Variants in FMN1 observed in about 807,000 individuals in gnomAD.
FMN1 encodes the protein formin 1, also known as formin-1.
Under a neutral mutation model 132.4 loss-of-function variants are expected in FMN1, and 110 were observed. The ratio of observed to expected loss-of-function variants is 0.83; its 90% CI spans 0.71 to 0.97. The LOEUF (loss-of-function observed/expected upper bound fraction) is 0.97. FMN1 is among the 50% of genes least tolerant of loss of function. The pLI is 0.00. For synonymous variants in FMN1, 722 were observed against 651.7 expected (o/e 1.11, Z -1.64); for missense variants, 1,792 against 1,705.3 (o/e 1.05, Z -0.90).
chr15:33,147,921 G>A (rs1213870976), intron 4 of FMN1, among the ~76,000 whole-genome samples: 1 of 151,922 alleles, frequency 6.6e-6, no homozygotes, highest in Non-Finnish European at 1.5e-5. Flanking sequence ...TAAGAGCTTT[G>A]TGTGTTGTTT....
chr15:33,119,496 A>T (rs1052178106), intron 4 of FMN1, among the ~76,000 whole-genome samples: 11 of 152,188 alleles, frequency 7.2e-5, no homozygotes, highest in Non-Finnish European at 1.3e-4. Flanking sequence ...GCCAAGCATT[A>T]ATGAGTCCAC....
At position 32,767,477 on chromosome 15, in the gene FMN1, C is replaced by G. The variant is rs908020670; in HGVS notation, c.*6833G>C. ...CAGGCCAAAGCACGATCCCCTAAAT[C>G]AAAGTCCAAGGCCACCCTGCTTGCC... On this transcript the variant is annotated 3_prime_UTR_variant, in exon 21 of 21. Coordinates refer to ENST00000616417, the MANE Select transcript of FMN1 (RefSeq NM_001277313.2). The G allele has an allele frequency of 6.6e-6, 1 of 152,186 alleles. No homozygotes were observed. The highest frequency in any genetic ancestry group is 6.5e-5 in the Admixed American group (1 of 15,278). 9.4% of individuals were successfully genotyped at this position (152,186 alleles called of 1,614,324 possible).
chr15:32,871,965 T>C (rs889982999), intron 16 of FMN1, among the ~76,000 whole-genome samples: 3 of 151,646 alleles, frequency 2.0e-5, no homozygotes, highest in African/African-American at 4.8e-5. Flanking sequence ...ACTGGTGATA[T>C]ATGAGAGTTG....
chr15:33,185,298 T>C (rs573054596), intron 2 of FMN1, among the ~76,000 whole-genome samples: 11 of 152,248 alleles, frequency 7.2e-5, no homozygotes, highest in African/African-American at 9.6e-5. Flanking sequence ...TGGGAAAAGT[T>C]TGGGAGAAAA....
chr15:33,053,414 T>C (rs1480753289), intron 6 of FMN1, among the ~76,000 whole-genome samples: 2 of 152,318 alleles, frequency 1.3e-5, no homozygotes, highest in Admixed American at 6.5e-5. Flanking sequence ...AGCCAAACCC[T>C]GCACTCGTTC....
chr15:32,873,765 C>G (rs1347320239), intron 16 of FMN1, among the ~76,000 whole-genome samples: 3 of 152,088 alleles, frequency 2.0e-5, no homozygotes, highest in Non-Finnish European at 4.4e-5. Flanking sequence ...AACTCTCTAA[C>G]ATCTTCAGCC....
At chr15:33,157,207 G>A (rs746345849) in intron 3 of FMN1, among the ~76,000 whole-genome samples, 2 of 150,500 alleles carry the variant, frequency 1.3e-5, no homozygotes, top group Non-Finnish European at 2.9e-5. Context: ...CAAGGTTGCA[G>A]TGAGCTGACA....
rs16961044 is a variant in FMN1, at chr15:32,915,156, C to G, written c.3227-4621G>C. 0.012 allele frequency among the ~76,000 whole-genome samples: 1,751 copies of G among 152,180 alleles called. 79 individuals are homozygous for G. In the East Asian group the frequency reaches 0.12, roughly 10 times the overall value. On this transcript the variant is annotated intron_variant, in intron 10 of 20. Coordinates refer to ENST00000616417, the MANE Select transcript of FMN1 (RefSeq NM_001277313.2). Reference sequence around the variant, plus strand: ...GAAGGTTAGGGTATCAGCCAGAAGTCTGAAAAATAAAAAGGCCTACCAAGT... The same window carrying G: ...GAAGGTTAGGGTATCAGCCAGAAGTGTGAAAAATAAAAAGGCCTACCAAGT...
chr15:33,006,352 A>G (rs945773493), intron 7 of FMN1, among the ~76,000 whole-genome samples: 1 of 152,192 alleles, frequency 6.6e-6, no homozygotes, highest in Admixed American at 6.5e-5. Context: ...ATATCACTTC[A>G]CAACTGTTAG....
intron 12 of FMN1, among the ~76,000 whole-genome samples, chr15:32,905,605 G>C (rs764106836): frequency 6.6e-6 from 1 of 152,196 alleles, no homozygotes; most frequent in African/African-American, 2.4e-5. Flanking sequence ...GTGGGCAATG[G>C]CTTTCTAAAT....
chr15:32,911,495 C>T (rs2060561485), intron 10 of FMN1, among the ~76,000 whole-genome samples: 1 of 152,094 alleles, frequency 6.6e-6, no homozygotes, highest in African/African-American at 2.4e-5. Context: ...TGTTCATTTG[C>T]ATTACACCAT....
In FMN1 at chr15:33,009,897, G is replaced by GT. The variant is rs201243952; in HGVS notation, c.2162-1823dup. On this transcript the variant is annotated intron_variant, in intron 6 of 20. Transcript: ENST00000616417. ...ACATGGAGGAATCTTTTTTTTGTTT[G>GT]TTTTTTTTGAGATGGAGTTTCACTC... 6.2e-3 allele frequency among the ~76,000 whole-genome samples: 931 copies of GT among 149,900 alleles called. 9 individuals carry two copies. Among genetic ancestry groups the GT allele is most frequent in the African/African-American group, 0.02 (814 of 40,382 alleles).
At chr15:32,836,542 C>T (rs978378246) in intron 17 of FMN1, among the ~76,000 whole-genome samples, 4 of 152,118 alleles carry the variant, frequency 2.6e-5, no homozygotes, top group Admixed American at 6.6e-5. Context: ...ATGCTTTCTC[C>T]CCAGAACCGA....
intron 4 of FMN1, among the ~76,000 whole-genome samples, chr15:33,120,461 T>C (rs1962444158): frequency 1.3e-5 from 2 of 152,174 alleles, no homozygotes. Context: ...TGTTCAAAGT[T>C]AGCCATCTAG....
intron 17 of FMN1, among the ~76,000 whole-genome samples, chr15:32,806,468 A>C (rs763232247): frequency 5.3e-5 from 8 of 152,262 alleles, no homozygotes; most frequent in Non-Finnish European, 1.0e-4. Context: ...GCAGGTATTA[A>C]TACTACATTA....
At position 33,033,190 on chromosome 15, in the gene FMN1, G is replaced by A. The variant is rs112510018; in HGVS notation, c.2162-25115C>T. ...GGACTACAGGTGCCCGCCACCACAC[G>A]CGGCTAATTTTTTGTATTTTTAGTA... On this transcript the variant is annotated intron_variant, in intron 6 of 20. Coordinates refer to ENST00000616417, the MANE Select transcript of FMN1 (RefSeq NM_001277313.2). Among the ~76,000 whole-genome samples the A allele has an allele frequency of 4.9e-3, 742 of 151,942 alleles. 10 individuals carry two copies. The highest frequency in any genetic ancestry group is 0.017 in the African/African-American group (712 of 41,438).
chr15:32,795,969 C>CAG (rs2057276895), intron 19 of FMN1, among the ~76,000 whole-genome samples: 2 of 152,310 alleles, frequency 1.3e-5, no homozygotes, highest in Middle Eastern at 3.4e-3. Flanking sequence ...TGCCGAACCA[C>CAG]AGAGTTGTGC....
chr15:33,089,110 A>G, intron 4 of FMN1, 136 bp from the exon 5 acceptor site: 1 of 720,090 alleles, frequency 1.4e-6, no homozygotes, highest in African/African-American at 1.8e-5. Flanking sequence ...TTTTTAAGAG[A>G]CTGCTTTCCT....
At chr15:32,793,573 G>A (rs934088868) in intron 19 of FMN1, among the ~76,000 whole-genome samples, 13 of 152,118 alleles carry the variant, frequency 8.5e-5, no homozygotes, top group Non-Finnish European at 1.6e-4. Context: ...GAGCCACTAC[G>A]CCCGGCTGTT....
Sources: gnomAD v4.1 joint callset for allele counts (sites outside exome capture counted in the v4.1 genomes callset) on GRCh38, gnomAD v4.1.1 for gene constraint, MANE v1.5 for transcripts, NCBI Gene and HGNC (gene_info 2026-07-23, HGNC 2026-07-21) for gene names.